SLC32A1: variants seen among roughly 807,000 people sequenced by gnomAD.
The protein encoded by SLC32A1 is solute carrier family 32 member 1.
A neutral mutation model predicts 35.5 loss-of-function variants in SLC32A1; 8 were observed. The ratio of observed to expected loss-of-function variants is 0.23; its 90% CI spans 0.13 to 0.41. The LOEUF is 0.41. SLC32A1 is among the 10% of genes least tolerant of loss of function. The pLI is 1.00. For missense variants in SLC32A1, 493 were observed against 722.3 expected (o/e 0.68, Z 3.64); for synonymous variants, 317 against 326.3 (o/e 0.97, Z 0.31).
In SLC32A1 at chr20:38,727,880, C is replaced by G; in HGVS notation, c.819C>G (p.Ala273=). 6.2e-7 allele frequency: 1 copy of G among 1,614,222 alleles called. No homozygotes were observed. The highest frequency in any genetic ancestry group is 8.5e-7 in the Non-Finnish European group (1 of 1,180,038). ...AGTTCAGTCTGCTGTGCACTCTGGCCCACTTCGTCATCAATATCCTGGTCA... is the reference window on the plus strand; with the variant it reads ...AGTTCAGTCTGCTGTGCACTCTGGCGCACTTCGTCATCAATATCCTGGTCA... ...VSKFSLLCTL[A]HFVINILVIA... Residue 273 remains alanine (A), a synonymous_variant, in exon 2 of 2, where the codon GCC becomes GCG. Transcript: ENST00000217420.
intron 1 of SLC32A1, among the ~76,000 whole-genome samples, chr20:38,725,698 A>G (rs2084273408): frequency 6.6e-6 from 1 of 152,158 alleles, no homozygotes; most frequent in Admixed American, 6.5e-5. Flanking sequence ...GTACACCCCT[A>G]CAGCTCCACA....
At chr20:38,725,252 C>G in intron 1 of SLC32A1, 138 bp downstream of exon 1, 1 of 1,134,446 alleles carries the variant, frequency 8.8e-7, no homozygotes, top group Non-Finnish European at 1.2e-6. Flanking sequence ...CTCCATCCCT[C>G]CCAGCCCTGC....
chr20:38,724,883 G>C lies in SLC32A1; in HGVS notation c.159G>C (p.Glu53Asp). The C allele has an allele frequency of 6.2e-7, 1 of 1,614,008 alleles. No individual in the cohort carries two copies. Among genetic ancestry groups the C allele is most frequent in the South Asian group, 1.1e-5 (1 of 91,086 alleles). The change falls in exon 1 of 2, where the codon GAG becomes GAC. Residue 53 changes from glutamate to aspartate, a missense_variant. Physicochemically the swap from Glu to Asp is conservative, Grantham distance 45 (BLOSUM62 2). This residue lies in a region of SLC32A1 where 133 missense variants were observed against 145.9 expected (regional missense o/e 0.91). Coordinates refer to ENST00000217420, the MANE Select transcript of SLC32A1 (RefSeq NM_080552.3). Reference protein sequence around the residue: ...GFAHCDDLDFEHRQGLQMDIL... With the variant: ...GFAHCDDLDFDHRQGLQMDIL... ...CGCATTGCGACGACCTCGACTTTGA[G>C]CACCGCCAGGGCCTGCAGATGGACA...
rs1482645893 is a variant in SLC32A1 at position 38,728,982 on chromosome 20, C to T, written c.*343C>T. On this transcript the variant is annotated 3_prime_UTR_variant, in exon 2 of 2. Coordinates refer to ENST00000217420, the MANE Select transcript of SLC32A1 (RefSeq NM_080552.3). Reference sequence around the variant, plus strand: ...GGGAAGGGAGGGAGAGGGGGCGCAGCTCGCAGGCGTGGCAACTTGACCTTG... The same window carrying T: ...GGGAAGGGAGGGAGAGGGGGCGCAGTTCGCAGGCGTGGCAACTTGACCTTG... 3.6e-6 allele frequency: 1 copy of T among 276,886 alleles called. No homozygotes were observed. 17.2% of individuals were successfully genotyped at this position (276,886 alleles called of 1,614,324 possible). A position where few individuals can be genotyped will look rare whatever the true frequency, so the allele number is the denominator to read the frequency against.
rs1387598404 is a variant in SLC32A1 at position 38,728,078 on chromosome 20, G to A, written c.1017G>A (p.Met339Ile). The A allele has an allele frequency of 6.2e-7, 1 of 1,613,906 alleles. No individual in the cohort carries two copies. The highest frequency in any genetic ancestry group is 8.5e-7 in the Non-Finnish European group (1 of 1,180,046). The change falls in exon 2 of 2, where the codon ATG (methionine) becomes ATA (isoleucine). Residue 339 changes from methionine to isoleucine, a missense_variant. By Grantham distance (10) the Met-to-Ile change is conservative. Around this residue, in one of 4 missense-constraint regions of SLC32A1, gnomAD observed 269 missense variants for 445.6 expected, o/e 0.60. Coordinates refer to ENST00000217420, the MANE Select transcript of SLC32A1 (RefSeq NM_080552.3). ...AGCAGCCCAGCGAGTTCCACTGCATGATGAACTGGACGCACATCGCAGCCT... is the reference window on the plus strand; with the variant it reads ...AGCAGCCCAGCGAGTTCCACTGCATAATGAACTGGACGCACATCGCAGCCT... ...NMQQPSEFHC[M>I]MNWTHIAACV... is the part of the protein sequence containing the mutation.
intron 1 of SLC32A1, 38 bp downstream of exon 1, chr20:38,725,152 C>A (rs778680704): frequency 4.0e-6 from 6 of 1,501,476 alleles, no homozygotes; most frequent in Non-Finnish European, 4.4e-6. Flanking sequence ...GTCCTCCCCC[C>A]TCCCAGCTCA....
chr20:38,725,180 C>T, intron 1 of SLC32A1, 66 bp downstream of exon 1: 2 of 1,486,820 alleles, frequency 1.3e-6, no homozygotes, highest in South Asian at 2.8e-5. Flanking sequence ...GGGCTCTGCC[C>T]CCGACAGTCG....
chr20:38,727,414 G>A (rs530913838), intron 1 of SLC32A1, 38 bp from the exon 2 acceptor site: 2 of 1,585,462 alleles, frequency 1.3e-6, no homozygotes, highest in East Asian at 2.2e-5. Flanking sequence ...TGCCAAGTTC[G>A]CTGAGCGTCC....
rs775935038 is a variant in SLC32A1, at chr20:38,727,657, C to T, written c.596C>T (p.Pro199Leu). 1.2e-6 allele frequency: 2 copies of T among 1,614,044 alleles called. No individual in the cohort carries two copies. The highest frequency in any genetic ancestry group is 2.7e-5 in the African/African-American group (2 of 74,946). Residue 199 changes from proline to leucine, a missense_variant, in exon 2 of 2, where the codon CCA becomes CTA. Physicochemically the swap from Pro to Leu is moderately conservative, Grantham distance 98 (BLOSUM62 -3). This residue lies in a region of SLC32A1 where 269 missense variants were observed against 445.6 expected (regional missense o/e 0.60). Transcript: ENST00000217420. ...AACGCCTGCTGCGCCCCGCGCTTCC[C>T]AACGCTGGGCGGCCGAGTGGTGAAC... ...IANACCAPRF[P>L]TLGGRVVNVA...
Position 38,726,439 on chromosome 20 carries a change from G to T in SLC32A1, c.391-1013G>T, listed in dbSNP as rs758783276. Reference sequence around the variant, plus strand: ...CCTTCGCTGTGCCCCGCGACTTCCCGGGGCGTCTTTCAAGGCTCCGTTTGA... The same window carrying T: ...CCTTCGCTGTGCCCCGCGACTTCCCTGGGCGTCTTTCAAGGCTCCGTTTGA... On this transcript the variant is annotated intron_variant, in intron 1 of 1. Coordinates refer to ENST00000217420, the MANE Select transcript of SLC32A1 (RefSeq NM_080552.3). The surrounding 1 kb of genome is among the most constrained non-coding windows in gnomAD (Gnocchi z 4.7). 5.9e-5 allele frequency among the ~76,000 whole-genome samples: 9 copies of T among 152,140 alleles called. No individual in the cohort carries two copies. Among genetic ancestry groups the T allele is most frequent in the Non-Finnish European group, 1.2e-4 (8 of 68,014 alleles).
At position 38,727,610 on chromosome 20, in the gene SLC32A1, G is replaced by A; in HGVS notation, c.549G>A (p.Arg183=). The change falls in exon 2 of 2, where the codon CGG becomes CGA. Residue 183 remains arginine (R), a synonymous_variant. Coordinates refer to ENST00000217420, the MANE Select transcript of SLC32A1 (RefSeq NM_080552.3). ...ENEDGEVVRV[R]DSYVAIANAC... ...AAGACGGCGAGGTGGTGCGCGTGCG[G>A]GACTCGTACGTGGCCATAGCCAACG... 2 of 1,613,222 alleles carry A rather than the reference G, an allele frequency of 1.2e-6. No individual in the cohort carries two copies. Among genetic ancestry groups the A allele is most frequent in the African/African-American group, 1.3e-5 (1 of 75,054 alleles).
Position 38,727,596 on chromosome 20 carries a change from G to A in SLC32A1, c.535G>A (p.Val179Met). Residue 179 changes from valine to methionine, a missense_variant, in exon 2 of 2, where the codon GTG (valine) becomes ATG (methionine). By Grantham distance (21) the Val-to-Met change is conservative. Transcript: ENST00000217420. The part of the protein sequence containing the change: ...CLYEENEDGE[V>M]VRVRDSYVAI... The stretch of plus-strand genomic sequence containing the variant: ...GTACGAGGAGAATGAAGACGGCGAG[G>A]TGGTGCGCGTGCGGGACTCGTACGT... The A allele has an allele frequency of 1.2e-6, 2 of 1,612,536 alleles. No individual in the cohort carries two copies. Among genetic ancestry groups the A allele is most frequent in the East Asian group, 2.2e-5 (1 of 44,886 alleles).
In SLC32A1 at chr20:38,724,945, G is replaced by A. The variant is rs1483624176; in HGVS notation, c.221G>A (p.Gly74Asp). 6.2e-7 allele frequency: 1 copy of A among 1,607,448 alleles called. No individual in the cohort carries two copies. Among genetic ancestry groups the A allele is most frequent in the Non-Finnish European group, 8.5e-7 (1 of 1,177,078 alleles). Residue 74 changes from glycine to aspartate, a missense_variant, in exon 1 of 2, where the codon GGC (glycine) becomes GAC (aspartate). Physicochemically the swap from Gly to Asp is moderately conservative, Grantham distance 94. Transcript: ENST00000217420. ...KAEGEPCGDE[G>D]AEAPVEGDIH... Reference sequence around the variant, plus strand: ...GAGGGAGAGCCCTGCGGGGACGAGGGCGCTGAAGCGCCCGTCGAGGGAGAC... The same window carrying A: ...GAGGGAGAGCCCTGCGGGGACGAGGACGCTGAAGCGCCCGTCGAGGGAGAC...
rs1219646368 is a variant in SLC32A1, at chr20:38,726,400, C to T, written c.391-1052C>T. Among the ~76,000 whole-genome samples the T allele has an allele frequency of 6.6e-6, 1 of 152,166 alleles. No individual in the cohort carries two copies. Among genetic ancestry groups the T allele is most frequent in the African/African-American group, 2.4e-5 (1 of 41,448 alleles). On this transcript the variant is annotated intron_variant, in intron 1 of 1. Coordinates refer to ENST00000217420, the MANE Select transcript of SLC32A1 (RefSeq NM_080552.3). This position sits in a 1 kb window ranked among gnomAD's most constrained non-coding sequence, Gnocchi z 4.7. The stretch of plus-strand genomic sequence containing the variant: ...AGACGGCCTTGCTGGATCACGGACC[C>T]GGGGCTGCTCCCGCCTTCGCTGTGC...
Position 38,725,013 on chromosome 20 carries a change from G to C in SLC32A1, c.289G>C (p.Gly97Arg). ...CAGCGGAGCTCCTCTGCCGCCCTCCGGCTCCAAGGACCAGGTGGGAGGTGG... is the reference window on the plus strand; with the variant it reads ...CAGCGGAGCTCCTCTGCCGCCCTCCCGCTCCAAGGACCAGGTGGGAGGTGG... ...RGSGAPLPPS[G>R]SKDQVGGGGE... The change falls in exon 1 of 2, where the codon GGC becomes CGC. Residue 97 changes from glycine to arginine, a missense_variant. Gly to Arg is a moderately radical substitution (Grantham distance 125). Around this residue, in one of 4 missense-constraint regions of SLC32A1, gnomAD observed 133 missense variants for 145.9 expected, o/e 0.91. Transcript: ENST00000217420. 6.4e-7 allele frequency: 1 copy of C among 1,568,378 alleles called. No homozygotes were observed. The highest frequency in any genetic ancestry group is 8.6e-7 in the Non-Finnish European group (1 of 1,158,198).
Position 38,727,749 on chromosome 20 carries a change from T to C in SLC32A1, c.688T>C (p.Tyr230His), listed in dbSNP as rs769332696. The C allele has an allele frequency of 6.2e-7, 1 of 1,614,228 alleles. No homozygotes were observed. The highest frequency in any genetic ancestry group is 1.3e-5 in the African/African-American group (1 of 75,066). The change falls in exon 2 of 2, where the codon TAC (tyrosine) becomes CAC (histidine). Residue 230 changes from tyrosine to histidine, a missense_variant. This residue lies in a region of SLC32A1 where 269 missense variants were observed against 445.6 expected (regional missense o/e 0.60). Transcript: ENST00000217420. ...LYVVVSGNLM[Y>H]NSFPGLPVSQ... is the part of the protein sequence containing the mutation. ...CGTGGTGGTGAGTGGCAACCTCATG[T>C]ACAACAGCTTCCCGGGGCTGCCCGT... is the stretch of plus-strand genomic sequence containing the variant.
Position 38,726,080 on chromosome 20 carries a change from G to A in SLC32A1, c.390+966G>A, listed in dbSNP as rs1451832979. On this transcript the variant is annotated intron_variant, in intron 1 of 1. Coordinates refer to ENST00000217420, the MANE Select transcript of SLC32A1 (RefSeq NM_080552.3). This position sits in a 1 kb window ranked among gnomAD's most constrained non-coding sequence, Gnocchi z 4.7. ...CCCCACTCCCCACCAGGCGGCGCAGGACTCCTACATAGGGAGCAGGTTTGG... is the reference window on the plus strand; with the variant it reads ...CCCCACTCCCCACCAGGCGGCGCAGAACTCCTACATAGGGAGCAGGTTTGG... Among the ~76,000 whole-genome samples, 1 of 152,178 alleles carries A rather than the reference G, an allele frequency of 6.6e-6. No homozygotes were observed. The highest frequency in any genetic ancestry group is 1.5e-5 in the Non-Finnish European group (1 of 68,022).
rs1568628350 is a variant in SLC32A1 at position 38,727,712 on chromosome 20, G to A, written c.651G>A (p.Thr217=). Residue 217 remains threonine (T), a synonymous_variant, in exon 2 of 2, where the codon ACG becomes ACA. Transcript: ENST00000217420. ...CGCAGATCATCGAGCTGGTGATGACGTGCATCCTGTACGTGGTGGTGAGTG... is the reference window on the plus strand; with the variant it reads ...CGCAGATCATCGAGCTGGTGATGACATGCATCCTGTACGTGGTGGTGAGTG... ...NVAQIIELVM[T]CILYVVVSGN... The A allele has an allele frequency of 6.2e-7, 1 of 1,614,224 alleles. No homozygotes were observed. Among genetic ancestry groups the A allele is most frequent in the South Asian group, 1.1e-5 (1 of 91,082 alleles).
In SLC32A1 at chr20:38,728,733, G is replaced by T. The variant is rs1421480769; in HGVS notation, c.*94G>T. ...CCCAGTGCGCCCTGCCGCCGCGCTT[G>T]GGAGGCCAAGCTTTAAACATCTCTG... On this transcript the variant is annotated 3_prime_UTR_variant, in exon 2 of 2. Coordinates refer to ENST00000217420, the MANE Select transcript of SLC32A1 (RefSeq NM_080552.3). The T allele has an allele frequency of 1.7e-6, 2 of 1,168,888 alleles. No homozygotes were observed. The highest frequency in any genetic ancestry group is 1.5e-5 in the African/African-American group (1 of 64,518). The allele number at this position is 1,168,888 out of a possible 1,614,324, so 72.4% of individuals were successfully genotyped here. A position where few individuals can be genotyped will look rare whatever the true frequency, so the allele number is the denominator to read the frequency against.
Sources: allele counts gnomAD v4.1 joint callset (sites outside exome capture counted in the v4.1 genomes callset), GRCh38; gene constraint gnomAD v4.1.1; regional missense constraint gnomAD v4.1.1; non-coding constraint Gnocchi (gnomAD v3.1); transcripts MANE v1.5; gene names NCBI Gene and HGNC (gene_info 2026-07-23, HGNC 2026-07-21).